RDH13: variants seen among roughly 807,000 people sequenced by gnomAD.
The protein encoded by RDH13 is retinol dehydrogenase 13.
In RDH13, 35 loss-of-function variants were observed where a neutral mutation model predicts 28.3. That is an observed-to-expected ratio of 1.24 (90% CI 0.95 to 1.64). The LOEUF is 1.64. Among genes scored for constraint, RDH13 ranks in the 40% most tolerant of loss-of-function variants. The pLI is 0.00. For missense variants in RDH13, 514 were observed against 446.3 expected (o/e 1.15, Z -1.37); for synonymous variants, 229 against 198.5 (o/e 1.15, Z -1.29).
chr19:55,048,150 A>C, intron 5 of RDH13, 179 bp downstream of exon 5: 7 of 1,529,256 alleles, frequency 4.6e-6, no homozygotes, highest in Non-Finnish European at 2.6e-6. Context: ...CCTCAGAAGA[A>C]CGATCGATTA....
chr19:55,063,063 G>GCCTCC lies in RDH13; in HGVS notation c.-32_-31insGGAGG. The GCCTCC allele has an allele frequency of 7.5e-7, 1 of 1,334,950 alleles. No individual in the cohort carries two copies. Among genetic ancestry groups the GCCTCC allele is most frequent in the Non-Finnish European group, 9.6e-7 (1 of 1,040,970 alleles). The allele number at this position is 1,334,950 out of a possible 1,614,324, so 82.7% of individuals were successfully genotyped here. Reference sequence around the variant, plus strand: ...GCCGGGGACAGGCGTCAGGCGTCAGGGGTCGGCGCGGAGCTTGCTGCACAC... The same window carrying GCCTCC: ...GCCGGGGACAGGCGTCAGGCGTCAGGCCTCCGGTCGGCGCGGAGCTTGCTGCACAC... On this transcript the variant is annotated 5_prime_UTR_variant, in exon 1 of 7. Coordinates refer to ENST00000415061, the MANE Select transcript of RDH13 (RefSeq NM_001145971.2).
In RDH13 at chr19:55,045,217, C is replaced by T. The variant is rs781423257; in HGVS notation, c.853G>A (p.Gly285Arg). 9.3e-6 allele frequency: 15 copies of T among 1,613,352 alleles called. No individual in the cohort carries two copies. The highest frequency in any genetic ancestry group is 3.3e-5 in the Admixed American group (2 of 60,004). The part of the protein sequence containing the change: ...AVAEELADVS[G>R]KYFDGLKQKA... ...TGTTTGAGTCCATCGAAGTACTTTC[C>T]GGAAACATCCGCCAGTTCCTCCGCC... is the stretch of plus-strand genomic sequence containing the variant. The change falls in exon 7 of 7, where the codon GGA becomes AGA. Residue 285 changes from glycine (G) to arginine (R), a missense_variant. Physicochemically the swap from Gly to Arg is moderately radical, Grantham distance 125 (BLOSUM62 -2). Transcript: ENST00000415061.
chr19:55,047,035 G>T, intron 6 of RDH13: 1 of 854,462 alleles, frequency 1.2e-6, no homozygotes, highest in Admixed American at 4.0e-5. Flanking sequence ...TGCAGATGAA[G>T]AAACAGGCTC....
Position 55,049,715 on chromosome 19 carries a change from G to C in RDH13, c.341-952C>G, listed in dbSNP as rs530119374. On this transcript the variant is annotated intron_variant, in intron 3 of 6. Transcript: ENST00000415061. ...GAGGCGGGAAAATCGCTTGAAACCA[G>C]GAGGCAGAGGGTGCAGTGAGCCGAG... 1.6e-3 allele frequency among the ~76,000 whole-genome samples: 239 copies of C among 151,802 alleles called. 1 individual carries two copies. Among genetic ancestry groups the C allele is most frequent in the Middle Eastern group, 6.8e-3 (2 of 294 alleles).
chr19:55,052,500 C>T (rs1021198212), intron 3 of RDH13, among the ~76,000 whole-genome samples: 2 of 150,424 alleles, frequency 1.3e-5, no homozygotes, highest in Non-Finnish European at 3.0e-5. Context: ...GCCAAGATCC[C>T]GTCATTGCAC....
At position 55,048,277 on chromosome 19, in the gene RDH13, G is replaced by A. The variant is rs773156629; in HGVS notation, c.658+52C>T. 95 of 1,608,048 alleles carry A rather than the reference G, an allele frequency of 5.9e-5. 1 individual carries two copies. In the Middle Eastern group the frequency reaches 1.3e-3, roughly 22 times the overall value. ...ATCAGCCTAGGATCATGGAAAGGCCGCTCTAGGCTCAGAGTAAAGCAAGAG... is the reference window on the plus strand; with the variant it reads ...ATCAGCCTAGGATCATGGAAAGGCCACTCTAGGCTCAGAGTAAAGCAAGAG... On this transcript the variant is annotated intron_variant, in intron 5 of 6. Coordinates refer to ENST00000415061, the MANE Select transcript of RDH13 (RefSeq NM_001145971.2).
intron 3 of RDH13, chr19:55,050,853 G>C (rs1480817781): frequency 6.6e-6 from 1 of 151,846 alleles, no homozygotes; most frequent in Non-Finnish European, 1.5e-5. Flanking sequence ...GACACCATCT[G>C]GTTCTCTGTG....
upstream of RDH13, among the ~76,000 whole-genome samples, chr19:55,064,703 C>G (rs1052956193): frequency 4.6e-5 from 7 of 150,760 alleles, no homozygotes; most frequent in South Asian, 6.3e-4. Context: ...ACCTCTGCCT[C>G]CTAGGTTCAA....
In RDH13 at chr19:55,047,945, C is replaced by T. The variant is rs972756224; in HGVS notation, c.658+384G>A. 15 of 837,764 alleles carry T rather than the reference C, an allele frequency of 1.8e-5. No homozygotes were observed. The African/African-American group carries it at 2.6e-4, about 14-fold the overall frequency. 51.9% of individuals were successfully genotyped at this position (837,764 alleles called of 1,614,324 possible). A position where few individuals can be genotyped will look rare whatever the true frequency, so the allele number is the denominator to read the frequency against. On this transcript the variant is annotated intron_variant, in intron 5 of 6. Transcript: ENST00000415061. Reference sequence around the variant, plus strand: ...ACATTGAGAGCATCTGGGCCTTTACCCTCCAGATGCCCAGAGCAATCTCTC... The same window carrying T: ...ACATTGAGAGCATCTGGGCCTTTACTCTCCAGATGCCCAGAGCAATCTCTC...
rs2075157742 is a variant in RDH13, at chr19:55,044,988, C to G, written c.*86G>C. 1.9e-5 allele frequency: 20 copies of G among 1,038,856 alleles called. No individual in the cohort carries two copies. The East Asian group carries it at 4.9e-4, about 26-fold the overall frequency. The allele number at this position is 1,038,856 out of a possible 1,614,324, so 64.4% of individuals were successfully genotyped here. ...GCCGCCAGTCCTGGGTCTCCCGGCT[C>G]AGGTAGTGCCAGGAAGCTGCGGGCA... is the stretch of plus-strand genomic sequence containing the variant. On this transcript the variant is annotated 3_prime_UTR_variant, in exon 7 of 7. Transcript: ENST00000415061.
At chr19:55,053,233 C>A (rs1332939829) in intron 3 of RDH13, among the ~76,000 whole-genome samples, 4 of 152,152 alleles carry the variant, frequency 2.6e-5, no homozygotes, top group Non-Finnish European at 4.4e-5. Context: ...GAATACACAC[C>A]ACATAAAATG....
downstream of RDH13, chr19:55,039,404 C>G (rs923800795): frequency 1.3e-5 from 2 of 152,168 alleles, no homozygotes; most frequent in South Asian, 2.1e-4. Flanking sequence ...TTAAATTAGC[C>G]GGGCATGGTG....
chr19:55,058,434 T>C (rs1372108477), intron 2 of RDH13, among the ~76,000 whole-genome samples: 1 of 151,324 alleles, frequency 6.6e-6, no homozygotes, highest in African/African-American at 2.4e-5. Flanking sequence ...TGTGCAACCA[T>C]TACAACCATC....
chr19:55,047,619 T>A, intron 5 of RDH13, 131 bp from the exon 6 acceptor site: 1 of 1,411,426 alleles, frequency 7.1e-7, no homozygotes, highest in Non-Finnish European at 9.3e-7. Context: ...TCGTCCCTCT[T>A]GCTCTGGAAT....
At chr19:55,063,304 G>T (rs970282487), upstream of RDH13, 21 of 380,428 alleles carry the variant, frequency 5.5e-5, no homozygotes, top group African/African-American at 3.6e-4. Context: ...TGGCTAGTCC[G>T]GGGGCGGGGC....
upstream of RDH13, among the ~76,000 whole-genome samples, chr19:55,067,968 C>CCT (rs545490586): frequency 1.4e-5 from 2 of 146,168 alleles, no homozygotes; most frequent in Non-Finnish European, 3.0e-5. Flanking sequence ...CTCCGTGTCT[C>CCT]CTCTCTCTCT....
exon 3 of RDH13, chr19:55,039,192 CAT>C (rs1265854193): frequency 6.6e-6 from 1 of 152,220 alleles, no homozygotes; most frequent in Non-Finnish European, 1.5e-5. Context: ...GGATAAACAA[CAT>C]GTGGTATATA....
intron 6 of RDH13, 37 bp downstream of exon 6, chr19:55,047,350 G>A: frequency 6.3e-7 from 1 of 1,598,714 alleles, no homozygotes; most frequent in African/African-American, 1.3e-5. Flanking sequence ...GGGGTGGAGG[G>A]CTCCACGTGG....
downstream of RDH13, chr19:55,040,771 T>C (rs2075006576): frequency 6.6e-6 from 1 of 152,270 alleles, no homozygotes; most frequent in Non-Finnish European, 1.5e-5. Context: ...TTGCACTTAT[T>C]GAACGAGTGG....
Sources: allele counts gnomAD v4.1 joint callset (sites outside exome capture counted in the v4.1 genomes callset), GRCh38; gene constraint gnomAD v4.1.1; transcripts MANE v1.5; gene names NCBI Gene and HGNC (gene_info 2026-07-23, HGNC 2026-07-21).